Variants in ENOSF1 observed in about 807,000 individuals in gnomAD.
ENOSF1 encodes the protein enolase superfamily member 1.
ENOSF1 carries 73 observed loss-of-function variants against 68.2 expected under a neutral mutation model. That is an observed-to-expected ratio of 1.07 (90% confidence interval 0.89 to 1.30). The LOEUF (loss-of-function observed/expected upper bound fraction) is 1.30, where lower values mean the gene tolerates loss of function less well. ENOSF1 is among the 50% of genes most tolerant of loss of function. The pLI, the probability that ENOSF1 is intolerant of heterozygous loss-of-function variation, is 0.00. For synonymous variants in ENOSF1, 223 were observed against 210.4 expected, an observed-to-expected ratio of 1.06 and a Z score of -0.52; for missense variants, 589 against 554.5, an observed-to-expected ratio of 1.06 and a Z score of -0.62.
At position 674,255 on chromosome 18, in the gene ENOSF1, A is replaced by G; in HGVS notation, c.*50T>C. 2.3e-6 allele frequency: 3 copies of G among 1,289,440 alleles called. No homozygotes were observed. Among genetic ancestry groups the G allele is most frequent in the Non-Finnish European group, 1.1e-6 (1 of 912,286 alleles). 79.9% of individuals were successfully genotyped at this position (1,289,440 alleles called of 1,614,324 possible). On this transcript the variant is annotated 3_prime_UTR_variant, in exon 16 of 16. Transcript: ENST00000647584. ...ATTTTTGTAAAACTATTTCCAAGAA[A>G]TTTTAAGCCCTTTCACTTCAGAAAG...
intron 2 of ENOSF1, among the ~76,000 whole-genome samples, chr18:701,423 G>T (rs1319336834): frequency 6.6e-6 from 1 of 151,264 alleles, no homozygotes; most frequent in African/African-American, 2.4e-5. Context: ...ATTCAGTTTT[G>T]CTGTGAACCT....
chr18:693,786 T>C lies in ENOSF1; in HGVS notation c.423+96A>G, dbSNP rs2077442194. 6.3e-6 allele frequency: 10 copies of C among 1,577,126 alleles called. No individual in the cohort carries two copies. In the South Asian group the frequency reaches 9.5e-5, roughly 15 times the overall value. On this transcript the variant is annotated intron_variant, in intron 5 of 15. Transcript: ENST00000647584. ...TATCATCGCTATAGTGATCAACAGA[T>C]AGTCCTGAATATATTTACTGATCAT...
At chr18:710,510 C>A (rs1427867974) in intron 1 of ENOSF1, among the ~76,000 whole-genome samples, 2 of 152,032 alleles carry the variant, frequency 1.3e-5, no homozygotes, top group South Asian at 4.2e-4. Flanking sequence ...TACAGCCACC[C>A]CTCCTTTTTT....
chr18:663,160 C>A, the ENOSF1 span, among the ~76,000 whole-genome samples: 8 of 95,280 alleles, frequency 8.4e-5, 2 homozygotes, highest in Non-Finnish European at 1.5e-4. Context: ...TATTTCTCCA[C>A]ATCCTCTCCA....
At chr18:692,121 G>C (rs2077246371) in intron 5 of ENOSF1, 1 of 152,218 alleles carries the variant, frequency 6.6e-6, no homozygotes, top group Non-Finnish European at 1.5e-5. Context: ...CCGGGAGTGA[G>C]CGGCCCACTT....
chr18:705,055 G>A (rs2078789899), intron 2 of ENOSF1, among the ~76,000 whole-genome samples: 1 of 152,184 alleles, frequency 6.6e-6, no homozygotes, highest in Non-Finnish European at 1.5e-5. Flanking sequence ...AAAGTTCAAG[G>A]AAGGTTCCCT....
chr18:673,710 GTTTT>G lies in ENOSF1; in HGVS notation c.*591_*594del, dbSNP rs10610259. On this transcript the variant is annotated 3_prime_UTR_variant, in exon 16 of 16. Coordinates refer to ENST00000647584, the MANE Select transcript of ENOSF1 (RefSeq NM_017512.7). ...AAATATAATGACCATTTAGGATAGA[GTTTT>G]TTTTTTTTTTTTTTAAACTTTTATA... 394 of 138,778 alleles carry G rather than the reference GTTTT, an allele frequency of 2.8e-3. 2 individuals are homozygous for G. Among genetic ancestry groups the G allele is most frequent in the African/African-American group, 8.0e-3 (306 of 38,158 alleles). 8.6% of individuals were successfully genotyped at this position (138,778 alleles called of 1,614,324 possible).
At chr18:707,421 C>G (rs952631126) in intron 1 of ENOSF1, among the ~76,000 whole-genome samples, 11 of 152,252 alleles carry the variant, frequency 7.2e-5, no homozygotes, top group Non-Finnish European at 1.5e-4. Context: ...ATTGAACAAG[C>G]CAAAGGTTCA....
At chr18:693,563 TAGA>T (rs2077419174) in intron 5 of ENOSF1, 2 of 985,316 alleles carry the variant, frequency 2.0e-6, no homozygotes, top group Non-Finnish European at 2.4e-6. Context: ...GTGAGGTTCC[TAGA>T]GAAGTTAGGA....
chr18:683,483 C>G, intron 10 of ENOSF1, 103 bp from the exon 11 acceptor site: 1 of 1,374,546 alleles, frequency 7.3e-7, no homozygotes, highest in Non-Finnish European at 1.0e-6. Flanking sequence ...CCACCAACAG[C>G]TGAGTGAGAC....
chr18:683,481 A>T, intron 10 of ENOSF1, 101 bp from the exon 11 acceptor site: 1 of 1,385,584 alleles, frequency 7.2e-7, no homozygotes, highest in South Asian at 1.3e-5. Flanking sequence ...TGCCACCAAC[A>T]GCTGAGTGAG....
At chr18:683,009 C>CT (rs575828645) in intron 11 of ENOSF1, 56 of 474,264 alleles carry the variant, frequency 1.2e-4, no homozygotes, top group African/African-American at 1.0e-3. Flanking sequence ...AGCCCTTCAA[C>CT]TTTTAGCAGC....
intron 1 of ENOSF1, chr18:706,815 A>ATATATATTTTTTTTTTTTTTTTTTT (rs760562263): frequency 7.6e-6 from 1 of 130,946 alleles, no homozygotes; most frequent in Non-Finnish European, 1.6e-5. Flanking sequence ...ATATATATAT[A>ATATATATTTTTTTTTTTTTTTTTTT]TTTTTTTTTT....
chr18:697,231 G>T lies in ENOSF1; in HGVS notation c.309+9C>A, dbSNP rs1453744053. On this transcript the variant is annotated intron_variant, in intron 3 of 15. Coordinates refer to ENST00000647584, the MANE Select transcript of ENOSF1 (RefSeq NM_017512.7). ...CTTATGTAAGCATTTTACAAAATAG[G>T]TCCCTTACCCATCTGAGCTGCCCAT... The T allele has an allele frequency of 1.3e-6, 2 of 1,598,346 alleles. No individual in the cohort carries two copies. The highest frequency in any genetic ancestry group is 2.2e-5 in the East Asian group (1 of 44,804).
chr18:697,887 C>T (rs1030017834), intron 2 of ENOSF1, among the ~76,000 whole-genome samples: 2 of 152,122 alleles, frequency 1.3e-5, no homozygotes, highest in East Asian at 1.9e-4. Flanking sequence ...TTGACCTCCC[C>T]GGCTCAGGTA....
At chr18:702,788 AAATG>A (rs2078503209) in intron 2 of ENOSF1, among the ~76,000 whole-genome samples, 1 of 152,176 alleles carries the variant, frequency 6.6e-6, no homozygotes, top group Admixed American at 6.5e-5. Flanking sequence ...AAAAGGATAA[AAATG>A]AATATTAATT....
chr18:709,788 CTT>C (rs1446281818), intron 1 of ENOSF1, among the ~76,000 whole-genome samples: 1 of 151,998 alleles, frequency 6.6e-6, no homozygotes, highest in East Asian at 1.9e-4. Context: ...AAGCAGGAGT[CTT>C]TAGCAGATTT....
chr18:665,285 G>C, the ENOSF1 span, among the ~76,000 whole-genome samples: 1 of 150,812 alleles, frequency 6.6e-6, no homozygotes, highest in African/African-American at 2.4e-5. Context: ...ATTTCTTCTA[G>C]ATTTTCTAGT....
At chr18:690,658 T>A (rs1342854838) in intron 7 of ENOSF1, 27 bp from the exon 8 acceptor site, 1 of 1,610,940 alleles carries the variant, frequency 6.2e-7, no homozygotes, top group Non-Finnish European at 8.5e-7. Flanking sequence ...CCGTCAACAT[T>A]TTGCACTTTC....
Sources: gnomAD v4.1 joint callset for allele counts (sites outside exome capture counted in the v4.1 genomes callset) on GRCh38, gnomAD v4.1.1 for gene constraint, MANE v1.5 for transcripts, NCBI Gene and HGNC (gene_info 2026-07-23, HGNC 2026-07-21) for gene names.